Variants in LPP observed in about 807,000 individuals in gnomAD.
The protein encoded by LPP is LIM domain containing preferred translocation partner in lipoma.
A neutral mutation model predicts 60.4 loss-of-function variants in LPP; 38 were observed. That is an observed-to-expected ratio of 0.63 (90% CI 0.49 to 0.83). The LOEUF is 0.83. Among genes scored for constraint, LPP ranks in the 40% least tolerant of loss-of-function variants. LPP has a pLI of 0.00. For missense variants in LPP, 902 were observed against 783.6 expected, an observed-to-expected ratio of 1.15 and a Z score of -1.80; for synonymous variants, 328 against 290.8, an observed-to-expected ratio of 1.13 and a Z score of -1.30.
At chr3:188,647,521 T>C (rs1851335096) in intron 7 of LPP, among the ~76,000 whole-genome samples, 1 of 152,186 alleles carries the variant, frequency 6.6e-6, no homozygotes, top group African/African-American at 2.4e-5. Context: ...ACTAATGCCT[T>C]TCCAAGGTTA....
intron 6 of LPP, among the ~76,000 whole-genome samples, chr3:188,564,536 T>A (rs1217930959): frequency 6.6e-6 from 1 of 152,006 alleles, no homozygotes; most frequent in African/African-American, 2.4e-5. Flanking sequence ...GAATTATGTG[T>A]GTCTAAGTTC....
At position 188,617,489 on chromosome 3, in the gene LPP, C is replaced by T. The variant is rs566037839; in HGVS notation, c.1113+7645C>T. Among the ~76,000 whole-genome samples the T allele has an allele frequency of 2.5e-4, 38 of 152,242 alleles. No individual in the cohort carries two copies. In the South Asian group the frequency reaches 7.9e-3, roughly 32 times the overall value. On this transcript the variant is annotated intron_variant, in intron 7 of 11. Coordinates refer to ENST00000617246, the MANE Select transcript of LPP (RefSeq NM_001375462.1). ...CCCCATCATCAGTTTTGTAAGGCCA[C>T]TGAATAATAGAAAATGGTTCCGATT...
At chr3:188,407,780 G>GTTTT (rs1268002703) in intron 4 of LPP, among the ~76,000 whole-genome samples, 28 of 94,912 alleles carry the variant, frequency 3.0e-4, no homozygotes, top group African/African-American at 6.7e-4. Flanking sequence ...TTTTTTTTTT[G>GTTTT]TTTGTTTGTT....
intron 9 of LPP, among the ~76,000 whole-genome samples, chr3:188,862,658 A>T (rs1024661433): frequency 1.1e-4 from 16 of 150,206 alleles, no homozygotes; most frequent in African/African-American, 3.7e-4. Context: ...CATAAGCTGG[A>T]AGGTGCTCTT....
chr3:188,302,211 T>A (rs1750120848), intron 2 of LPP, among the ~76,000 whole-genome samples: 1 of 152,176 alleles, frequency 6.6e-6, no homozygotes, highest in Non-Finnish European at 1.5e-5. Flanking sequence ...GTAATTTCTA[T>A]TATCCCAATT....
chr3:188,707,678 A>G (rs1183170526), intron 7 of LPP, among the ~76,000 whole-genome samples: 1 of 152,192 alleles, frequency 6.6e-6, no homozygotes, highest in Non-Finnish European at 1.5e-5. Context: ...CTCAAAGTTT[A>G]TATGTGGTCC....
intron 6 of LPP, 110 bp downstream of exon 6, chr3:188,524,897 G>GTCCTTCCT (rs35581046): frequency 1.6e-4 from 38 of 237,776 alleles, no homozygotes; most frequent in African/African-American, 8.7e-4. Context: ...CCTTCCGTCC[G>GTCCTTCCT]TCCTTCCTTC....
intron 1 of LPP, among the ~76,000 whole-genome samples, chr3:188,190,493 C>T (rs886250404): frequency 3.9e-5 from 6 of 152,200 alleles, no homozygotes; most frequent in South Asian, 2.1e-4. Flanking sequence ...CTTTCACGCT[C>T]TAACTGTGCC....
intron 4 of LPP, among the ~76,000 whole-genome samples, chr3:188,428,375 A>T (rs137916992): frequency 3.7e-4 from 57 of 152,222 alleles, no homozygotes; most frequent in Middle Eastern, 6.8e-3. Context: ...CTTCATCCTA[A>T]GTCCCATATT....
intron 8 of LPP, among the ~76,000 whole-genome samples, chr3:188,742,038 A>G (rs1305355582): frequency 6.6e-6 from 1 of 152,134 alleles, no homozygotes; most frequent in East Asian, 1.9e-4. Context: ...ACAAATAACC[A>G]ATAAGCAAAT....
chr3:188,716,768 A>G (rs751857666), intron 8 of LPP, among the ~76,000 whole-genome samples: 1 of 152,178 alleles, frequency 6.6e-6, no homozygotes, highest in African/African-American at 2.4e-5. Context: ...CTTGTTGGTG[A>G]AAATGGTGAT....
chr3:188,300,368 C>T (rs113316301), intron 2 of LPP, among the ~76,000 whole-genome samples: 36 of 150,942 alleles, frequency 2.4e-4, no homozygotes, highest in Admixed American at 8.6e-4. Flanking sequence ...TTGTGACGAA[C>T]GATTGTGACT....
chr3:188,427,390 T>C (rs1789676660), intron 4 of LPP, among the ~76,000 whole-genome samples: 1 of 152,248 alleles, frequency 6.6e-6, no homozygotes, highest in Non-Finnish European at 1.5e-5. Context: ...TTAACATTTT[T>C]TCCTTCATTT....
At chr3:188,374,694 T>C (rs1200092910) in intron 3 of LPP, among the ~76,000 whole-genome samples, 2 of 152,156 alleles carry the variant, frequency 1.3e-5, no homozygotes, top group African/African-American at 4.8e-5. Context: ...TTAATACCCT[T>C]TATTTCCTTC....
At chr3:188,242,068 G>C (rs1406646221) in intron 2 of LPP, among the ~76,000 whole-genome samples, 4 of 152,124 alleles carry the variant, frequency 2.6e-5, no homozygotes, top group Admixed American at 6.5e-5. Context: ...TAGGTGTTAA[G>C]GAGGCATGCT....
chr3:188,345,748 A>T (rs142902180), intron 3 of LPP, among the ~76,000 whole-genome samples: 4 of 152,242 alleles, frequency 2.6e-5, no homozygotes, highest in African/African-American at 4.8e-5. Flanking sequence ...TCACATGTAC[A>T]TGGGGGCTTC....
intron 3 of LPP, 47 bp from the exon 4 acceptor site, chr3:188,406,065 C>T: frequency 6.6e-7 from 1 of 1,514,992 alleles, no homozygotes; most frequent in Non-Finnish European, 9.1e-7. Context: ...GGAGTATTGT[C>T]TTCGTTTTCA....
At chr3:188,586,526 G>A (rs935621132) in intron 6 of LPP, among the ~76,000 whole-genome samples, 5 of 152,208 alleles carry the variant, frequency 3.3e-5, no homozygotes, top group African/African-American at 9.6e-5. Flanking sequence ...AATAAAAGTC[G>A]TTAGAGTGTC....
chr3:188,660,939 G>A (rs975022254), intron 7 of LPP, among the ~76,000 whole-genome samples: 7 of 151,992 alleles, frequency 4.6e-5, no homozygotes, highest in African/African-American at 9.7e-5. Flanking sequence ...TTTATTTCCC[G>A]TCATAGAATC....
Sources: gnomAD v4.1 joint callset for allele counts (sites outside exome capture counted in the v4.1 genomes callset) on GRCh38, gnomAD v4.1.1 for gene constraint, MANE v1.5 for transcripts, NCBI Gene and HGNC (gene_info 2026-07-23, HGNC 2026-07-21) for gene names.